The following COL9A1 variants were observed in gnomAD, a reference collection of about 807,000 sequenced individuals.
COL9A1 encodes collagen alpha-1(IX) chain.
COL9A1 carries 104 observed loss-of-function variants against 142.6 expected under a neutral mutation model. The ratio of observed to expected loss-of-function variants is 0.73; its 90% CI spans 0.62 to 0.86. COL9A1 has a LOEUF of 0.86. Among genes scored for constraint, COL9A1 ranks in the 40% least tolerant of loss-of-function variants. The probability of loss-of-function intolerance (pLI) is 0.00; values close to 1 mark genes in which losing one functional copy is unlikely to be tolerated. For synonymous variants in COL9A1, 466 were observed against 396.0 expected, an observed-to-expected ratio of 1.18 and a Z score of -2.10; for missense variants, 1,210 against 1,176.6, an observed-to-expected ratio of 1.03 and a Z score of -0.42.
At chr6:70,267,327 G>GTTTTTGTTTT (rs1554241916) in intron 17 of COL9A1, among the ~76,000 whole-genome samples, 2 of 127,032 alleles carry the variant, frequency 1.6e-5, no homozygotes, top group Non-Finnish European at 3.3e-5. Flanking sequence ...TGGTTTTTTT[G>GTTTTTGTTTT]TTTTTTTTTT....
chr6:70,291,602 A>G (rs555031548), intron 5 of COL9A1, among the ~76,000 whole-genome samples: 1 of 152,300 alleles, frequency 6.6e-6, no homozygotes, highest in East Asian at 1.9e-4. Context: ...ATACTCAATG[A>G]AAGTTTACTA....
intron 10 of COL9A1, among the ~76,000 whole-genome samples, chr6:70,275,860 A>G (rs921024898): frequency 2.6e-5 from 4 of 152,124 alleles, no homozygotes; most frequent in African/African-American, 4.8e-5. Flanking sequence ...GGATCTCTTG[A>G]AAAATATGAA....
rs1768504145 is a variant in COL9A1 at position 70,216,385 on chromosome 6, G to C, written c.*512C>G. ...GATGTAGCCCTTTCTTATCACTCCA[G>C]AGACAGCACATCGATGAGATTTTAA... On this transcript the variant is annotated 3_prime_UTR_variant, in exon 38 of 38. Coordinates refer to ENST00000357250, the MANE Select transcript of COL9A1 (RefSeq NM_001851.6). The C allele has an allele frequency of 5.9e-6, 1 of 170,712 alleles. No homozygotes were observed. The highest frequency in any genetic ancestry group is 1.6e-4 in the East Asian group (1 of 6,314). 10.6% of individuals were successfully genotyped at this position (170,712 alleles called of 1,614,324 possible). A position where few individuals can be genotyped will look rare whatever the true frequency, so the allele number is the denominator to read the frequency against.
chr6:70,254,968 T>C lies in COL9A1; in HGVS notation c.1660A>G (p.Thr554Ala). 6.2e-7 allele frequency: 1 copy of C among 1,614,116 alleles called. No individual in the cohort carries two copies. ...GRDGIPGMPG[T>A]KGEPGKPGPP... ...GAGTAAATTACACAGCCTACCTTTG[T>C]TCCAGGCATTCCAGGGATCCCATCA... The change falls in exon 24 of 38, where the codon ACA becomes GCA. Residue 554 changes from threonine to alanine, a missense_variant. By Grantham distance (58) the Thr-to-Ala change is moderately conservative (BLOSUM62 0). Transcript: ENST00000357250.
At chr6:70,300,214 G>A (rs1774009048) in intron 3 of COL9A1, 39 bp from the exon 4 acceptor site, 1 of 1,612,032 alleles carries the variant, frequency 6.2e-7, no homozygotes, top group Admixed American at 1.7e-5. Context: ...TCTAAAATGA[G>A]ATTGGTTTTA....
intron 11 of COL9A1, 94 bp from the exon 12 acceptor site, chr6:70,274,176 C>A: frequency 1.0e-6 from 1 of 975,474 alleles, no homozygotes; most frequent in South Asian, 1.7e-5. Flanking sequence ...TAAAACACCC[C>A]ATTATGGTGT....
chr6:70,251,207 C>T (rs1770917218), intron 28 of COL9A1, among the ~76,000 whole-genome samples: 1 of 151,978 alleles, frequency 6.6e-6, no homozygotes, highest in Non-Finnish European at 1.5e-5. Flanking sequence ...ATAGATAAAC[C>T]TTGAAACATT....
At chr6:70,292,682 G>A (rs1773701038) in intron 5 of COL9A1, among the ~76,000 whole-genome samples, 1 of 152,162 alleles carries the variant, frequency 6.6e-6, no homozygotes, top group South Asian at 2.1e-4. Flanking sequence ...ATAAATAAAT[G>A]TTTAAAATAC....
chr6:70,294,089 A>T, intron 5 of COL9A1, 78 bp downstream of exon 5: 1 of 1,565,180 alleles, frequency 6.4e-7, no homozygotes, highest in Non-Finnish European at 8.8e-7. Context: ...TCAGCTGATT[A>T]TCAAAGATGC....
At chr6:70,283,308 C>T in intron 6 of COL9A1, 1 of 1,278,946 alleles carries the variant, frequency 7.8e-7, no homozygotes, top group Non-Finnish European at 1.0e-6. Context: ...CGCCCTTAAC[C>T]CCTTCCCTGC....
chr6:70,293,768 A>G (rs1347968013), intron 5 of COL9A1, among the ~76,000 whole-genome samples: 3 of 151,918 alleles, frequency 2.0e-5, no homozygotes, highest in Non-Finnish European at 1.5e-5. Flanking sequence ...TGTTTCCCTC[A>G]GCTATAATGT....
chr6:70,298,533 G>A (rs1022555189), intron 4 of COL9A1, among the ~76,000 whole-genome samples: 1 of 152,082 alleles, frequency 6.6e-6, no homozygotes, highest in Non-Finnish European at 1.5e-5. Flanking sequence ...ATGGGGGCAG[G>A]GAGTCAAGGG....
intron 4 of COL9A1, among the ~76,000 whole-genome samples, chr6:70,295,690 C>T (rs1773828326): frequency 6.6e-6 from 1 of 152,122 alleles, no homozygotes; most frequent in Admixed American, 6.6e-5. Flanking sequence ...CATCTCTACC[C>T]TATACAGAGA....
intron 5 of COL9A1, among the ~76,000 whole-genome samples, chr6:70,288,169 G>A (rs1268000582): frequency 6.6e-6 from 1 of 152,130 alleles, no homozygotes; most frequent in Non-Finnish European, 1.5e-5. Flanking sequence ...TTCCCACAGC[G>A]TTTCTCATGT....
At chr6:70,277,817 C>G (rs533446506) in intron 10 of COL9A1, among the ~76,000 whole-genome samples, 1 of 152,172 alleles carries the variant, frequency 6.6e-6, no homozygotes, top group African/African-American at 2.4e-5. Flanking sequence ...AAAAAATAAG[C>G]CTTGTAATGA....
chr6:70,233,893 C>T (rs1467031238), intron 35 of COL9A1, among the ~76,000 whole-genome samples: 1 of 152,218 alleles, frequency 6.6e-6, no homozygotes, highest in Non-Finnish European at 1.5e-5. Flanking sequence ...TGTTACAGAA[C>T]TCCTCAGCTA....
chr6:70,274,804 T>C, intron 10 of COL9A1, 32 bp from the exon 11 acceptor site: 1 of 1,577,962 alleles, frequency 6.3e-7, no homozygotes, highest in Non-Finnish European at 8.7e-7. Context: ...GTTAGAACTA[T>C]CATAACATCC....
Position 70,289,726 on chromosome 6 carries a change from A to G in COL9A1, c.696+4441T>C, listed in dbSNP as rs138514536. Among the ~76,000 whole-genome samples the G allele has an allele frequency of 4.5e-3, 685 of 152,334 alleles. 25 individuals carry two copies. Among genetic ancestry groups the G allele is most frequent in the Admixed American group, 0.041 (627 of 15,302 alleles). On this transcript the variant is annotated intron_variant, in intron 5 of 37. Transcript: ENST00000357250. Reference sequence around the variant, plus strand: ...AGATGTACTTGTCAAAAACAACTTAATAAGCAGACTTAATAGTTTTATGCA... The same window carrying G: ...AGATGTACTTGTCAAAAACAACTTAGTAAGCAGACTTAATAGTTTTATGCA...
rs886061702 is a variant in COL9A1, at chr6:70,303,003, C to A, written c.-79G>T. The A allele has an allele frequency of 6.3e-6, 9 of 1,431,708 alleles. No individual in the cohort carries two copies. The highest frequency in any genetic ancestry group is 8.9e-6 in the Non-Finnish European group (9 of 1,014,266). The allele number at this position is 1,431,708 out of a possible 1,614,324, so 88.7% of individuals were successfully genotyped here. On this transcript the variant is annotated 5_prime_UTR_variant, in exon 1 of 38. Transcript: ENST00000357250. ...AAGGGAGTCACTGTCCCCTCACGAC[C>A]CCTTCACTGTTACCCTAGGACTATG...
Sources: allele counts gnomAD v4.1 joint callset (sites outside exome capture counted in the v4.1 genomes callset), GRCh38; gene constraint gnomAD v4.1.1; transcripts MANE v1.5; gene names NCBI Gene and HGNC (gene_info 2026-07-23, HGNC 2026-07-21).